Variants in XPO6 observed in about 807,000 individuals in gnomAD.
XPO6 encodes the protein exportin-6.
Under a neutral mutation model 130.0 loss-of-function variants are expected in XPO6, and 3 were observed. That is an observed-to-expected ratio of 0.02 (90% CI 0.01 to 0.06). The LOEUF is 0.06. XPO6 is among the 10% of genes least tolerant of loss of function. XPO6 has a pLI of 1.00. For missense variants in XPO6, 970 were observed against 1,393.0 expected (o/e 0.70, Z 4.83); for synonymous variants, 524 against 548.9 (o/e 0.95, Z 0.63).
chr16:28,125,667 C>T, intron 13 of XPO6, 22 bp downstream of exon 13: 1 of 1,609,960 alleles, frequency 6.2e-7, no homozygotes, highest in Middle Eastern at 1.7e-4. Context: ...GGAACAGCTC[C>T]ATAAGGTAAC....
intron 1 of XPO6, among the ~76,000 whole-genome samples, chr16:28,206,428 T>C (rs1415463004): frequency 6.6e-6 from 1 of 152,112 alleles, no homozygotes; most frequent in East Asian, 1.9e-4. Flanking sequence ...GGGCCTGTAG[T>C]CTCAGCTACT....
At chr16:28,125,912 A>G in intron 12 of XPO6, 64 bp from the exon 13 acceptor site, 1 of 1,552,832 alleles carries the variant, frequency 6.4e-7, no homozygotes, top group South Asian at 1.2e-5. Context: ...TACAGATAAC[A>G]GCTGGTCCAG....
At chr16:28,168,761 C>T (rs551433769) in intron 5 of XPO6, among the ~76,000 whole-genome samples, 1 of 150,696 alleles carries the variant, frequency 6.6e-6, no homozygotes, top group Non-Finnish European at 1.5e-5. Flanking sequence ...ATCATCACAC[C>T]CAGCTAACTT....
At chr16:28,145,962 A>G in intron 9 of XPO6, 132 bp downstream of exon 9, 1 of 602,258 alleles carries the variant, frequency 1.7e-6, no homozygotes, top group Non-Finnish European at 3.0e-6. Context: ...GGAAATGCTC[A>G]ATGGCATTAT....
At chr16:28,201,787 G>A (rs768579910) in intron 1 of XPO6, among the ~76,000 whole-genome samples, 18 of 152,054 alleles carry the variant, frequency 1.2e-4, no homozygotes, top group Non-Finnish European at 2.2e-4. Flanking sequence ...CCCAGGAGGC[G>A]GAACTTGTAG....
At chr16:28,206,638 T>G (rs1432383424) in intron 1 of XPO6, among the ~76,000 whole-genome samples, 2 of 152,226 alleles carry the variant, frequency 1.3e-5, no homozygotes. Flanking sequence ...TTAATTTTGC[T>G]GACCACATTT....
rs948901528 is a variant in XPO6, at chr16:28,101,411, C to T, written c.3276+47G>A. The T allele has an allele frequency of 1.0e-5, 16 of 1,540,712 alleles. 1 individual carries two copies. The highest frequency in any genetic ancestry group is 6.8e-5 in the African/African-American group (5 of 73,438). On this transcript the variant is annotated intron_variant, in intron 23 of 23. Coordinates refer to ENST00000304658, the MANE Select transcript of XPO6 (RefSeq NM_015171.4). The surrounding 1 kb of genome is among the most constrained non-coding windows in gnomAD (Gnocchi z 5.4). The stretch of plus-strand genomic sequence containing the variant: ...CCTTGCTGCACAGGTGCCAGGCTTG[C>T]GTGCCCACTCTGCCCTCCTCTTAGC...
At chr16:28,130,046 G>A (rs543595420) in intron 12 of XPO6, among the ~76,000 whole-genome samples, 4 of 152,318 alleles carry the variant, frequency 2.6e-5, no homozygotes, top group South Asian at 4.1e-4. Context: ...AGCAACCAAC[G>A]TGGCCCAGCA....
intron 13 of XPO6, among the ~76,000 whole-genome samples, chr16:28,123,049 T>G (rs2087284883): frequency 6.6e-6 from 1 of 151,998 alleles, no homozygotes; most frequent in Non-Finnish European, 1.5e-5. Flanking sequence ...AACTAATAGC[T>G]CTATCTAGTA....
At chr16:28,099,327 A>G (rs2086603655) in intron 23 of XPO6, among the ~76,000 whole-genome samples, 1 of 152,008 alleles carries the variant, frequency 6.6e-6, no homozygotes, top group African/African-American at 2.4e-5. Flanking sequence ...TGAGGACTCA[A>G]ACAGGCCCAG....
intron 4 of XPO6, among the ~76,000 whole-genome samples, chr16:28,170,247 G>A (rs1232919547): frequency 1.3e-5 from 2 of 149,612 alleles, no homozygotes; most frequent in African/African-American, 5.0e-5. Flanking sequence ...CAGGAGAATC[G>A]TTTGAACCCA....
At chr16:28,177,400 C>T (rs2043550155) in intron 2 of XPO6, 68 bp from the exon 3 acceptor site, 1 of 867,652 alleles carries the variant, frequency 1.2e-6, no homozygotes, top group South Asian at 1.5e-5. Flanking sequence ...ACTGGGCTAT[C>T]TTATTATTAT....
intron 2 of XPO6, among the ~76,000 whole-genome samples, chr16:28,179,552 T>C (rs539150444): frequency 6.6e-6 from 1 of 152,306 alleles, no homozygotes; most frequent in South Asian, 2.1e-4. Flanking sequence ...TGCTCCCCCT[T>C]GATGCTTCTG....
intron 1 of XPO6, among the ~76,000 whole-genome samples, chr16:28,187,106 T>C (rs2043707775): frequency 6.6e-6 from 1 of 151,900 alleles, no homozygotes; most frequent in South Asian, 2.1e-4. Flanking sequence ...AAGGGGTGAT[T>C]TGGGTTTTGA....
chr16:28,183,440 A>C (rs2043648738), intron 1 of XPO6: 2 of 152,038 alleles, frequency 1.3e-5, no homozygotes, highest in African/African-American at 2.4e-5. Flanking sequence ...AAAAAAAAAA[A>C]AAAAAAAAAC....
intron 15 of XPO6, 54 bp downstream of exon 15, chr16:28,117,264 C>T (rs1253769416): frequency 6.2e-7 from 1 of 1,604,650 alleles, no homozygotes; most frequent in Admixed American, 1.7e-5. Flanking sequence ...GGTATAGGAA[C>T]AGAAGGAGAG....
intron 6 of XPO6, among the ~76,000 whole-genome samples, chr16:28,163,247 A>C (rs2043305603): frequency 6.6e-6 from 1 of 152,278 alleles, no homozygotes. Flanking sequence ...GTAGTATACA[A>C]GGAATACATG....
intron 12 of XPO6, among the ~76,000 whole-genome samples, chr16:28,128,597 A>G (rs1317988842): frequency 1.3e-5 from 2 of 152,170 alleles, no homozygotes; most frequent in East Asian, 1.9e-4. Context: ...CCCTAAATCA[A>G]GTTTCCATTT....
chr16:28,160,044 G>GCA (rs1251655166), intron 6 of XPO6, among the ~76,000 whole-genome samples: 2 of 151,754 alleles, frequency 1.3e-5, no homozygotes, highest in East Asian at 3.9e-4. Context: ...AATTAGCTGG[G>GCA]CGTGGTGGTG....
Sources: allele counts gnomAD v4.1 joint callset (sites outside exome capture counted in the v4.1 genomes callset), GRCh38; gene constraint gnomAD v4.1.1; non-coding constraint Gnocchi (gnomAD v3.1); transcripts MANE v1.5; gene names NCBI Gene and HGNC (gene_info 2026-07-23, HGNC 2026-07-21).